The following ULK4 variants were observed in gnomAD, a reference collection of about 807,000 sequenced individuals.
The protein encoded by ULK4 is unc-51 like kinase 4, also known as inactive serine/threonine-protein kinase ULK4.
ULK4 carries 133 observed loss-of-function variants against 160.6 expected under a neutral mutation model. The observed-to-expected ratio is 0.83, with a 90% CI of 0.72 to 0.96. ULK4 has a LOEUF of 0.96. ULK4 is among the 40% of genes least tolerant of loss of function. ULK4 has a pLI of 0.00. For missense variants in ULK4, 1,580 were observed against 1,499.5 expected (o/e 1.05, Z -0.89); for synonymous variants, 534 against 539.8 (o/e 0.99, Z 0.15).
intron 22 of ULK4, among the ~76,000 whole-genome samples, chr3:41,749,952 G>A (rs1251321449): frequency 6.6e-6 from 1 of 152,114 alleles, no homozygotes; most frequent in Non-Finnish European, 1.5e-5. Context: ...ACAGATTCCT[G>A]AAGCTGAGCA....
rs190351033 is a variant in ULK4 at position 41,378,903 on chromosome 3, T to C, written c.3678+19176A>G. Among the ~76,000 whole-genome samples, 14 of 152,178 alleles carry C rather than the reference T, an allele frequency of 9.2e-5. No homozygotes were observed. The East Asian group carries it at 9.7e-4, about 11-fold the overall frequency. On this transcript the variant is annotated intron_variant, in intron 35 of 36. Transcript: ENST00000301831. ...AAAAAGAATGAGTTCAAGTCCTTTG[T>C]GGGGACATGGATGAAGCTGGAAACC...
Position 41,560,422 on chromosome 3 carries a change from G to A in ULK4, c.3226+5603C>T, listed in dbSNP as rs180688063. The stretch of plus-strand genomic sequence containing the variant: ...AAGAAAGACATTGGTAGTTTGATGC[G>A]GATGACATTGAATCTATAAATTACC... On this transcript the variant is annotated intron_variant, in intron 32 of 36. Coordinates refer to ENST00000301831, the MANE Select transcript of ULK4 (RefSeq NM_017886.4). Among the ~76,000 whole-genome samples, 17 of 152,224 alleles carry A rather than the reference G, an allele frequency of 1.1e-4. No individual in the cohort carries two copies. In the Middle Eastern group the frequency reaches 0.01, roughly 91 times the overall value.
In ULK4 at chr3:41,321,791, C is replaced by T. The variant is rs994516161; in HGVS notation, c.3679-72217G>A. ...GGGAAAAACGCCTCAAGTGAGCATG[C>T]GTACCACTTTAGTAAACACTCTGTG... On this transcript the variant is annotated intron_variant, in intron 35 of 36. Coordinates refer to ENST00000301831, the MANE Select transcript of ULK4 (RefSeq NM_017886.4). Among the ~76,000 whole-genome samples the T allele has an allele frequency of 4.2e-5, 6 of 144,116 alleles. 1 individual carries two copies. The highest frequency in any genetic ancestry group is 9.0e-5 in the Non-Finnish European group (6 of 66,470). The allele number at this position is 144,116 out of a possible 152,430, so 94.5% of individuals were successfully genotyped here. A position where few individuals can be genotyped will look rare whatever the true frequency, so the allele number is the denominator to read the frequency against.
At chr3:41,408,887 G>A (rs1177883648) in intron 34 of ULK4, among the ~76,000 whole-genome samples, 1 of 152,094 alleles carries the variant, frequency 6.6e-6, no homozygotes, top group South Asian at 2.1e-4. Context: ...ATGGTGCTGA[G>A]ACAACTGGAC....
chr3:41,686,115 C>T (rs2036093913), intron 27 of ULK4, among the ~76,000 whole-genome samples: 1 of 152,060 alleles, frequency 6.6e-6, no homozygotes, highest in Non-Finnish European at 1.5e-5. Context: ...GTGTAAACAG[C>T]TTGGAAATCA....
intron 35 of ULK4, among the ~76,000 whole-genome samples, chr3:41,370,198 T>TAA (rs916609409): frequency 2.0e-5 from 3 of 147,480 alleles, no homozygotes; most frequent in Admixed American, 6.8e-5. Context: ...ATGAAGGAAT[T>TAA]AAAAAAAAAA....
intron 22 of ULK4, among the ~76,000 whole-genome samples, chr3:41,742,801 C>T (rs1187515313): frequency 6.6e-6 from 1 of 151,774 alleles, no homozygotes; most frequent in Non-Finnish European, 1.5e-5. Flanking sequence ...CAATATAGAA[C>T]TGAAAAAATA....
chr3:41,389,653 T>C (rs948766385), intron 35 of ULK4, among the ~76,000 whole-genome samples: 5 of 152,358 alleles, frequency 3.3e-5, no homozygotes, highest in Non-Finnish European at 7.3e-5. Flanking sequence ...TCTTTGGTTC[T>C]GTTTATATGC....
chr3:41,889,304 T>C (rs1454302007), intron 16 of ULK4, among the ~76,000 whole-genome samples: 3 of 152,080 alleles, frequency 2.0e-5, no homozygotes, highest in Admixed American at 6.5e-5. Context: ...AAGTATATGA[T>C]ACACCAAATA....
At position 41,541,363 on chromosome 3, in the gene ULK4, G is replaced by A. The variant is rs192112980; in HGVS notation, c.3226+24662C>T. 5.6e-4 allele frequency among the ~76,000 whole-genome samples: 85 copies of A among 152,036 alleles called. 1 individual carries two copies. The highest frequency in any genetic ancestry group is 4.3e-4 in the African/African-American group (18 of 41,494). ...AGATGTGTGGTGTTATTTCTGAGGC[G>A]TCCGTTCTGTTCCATTGGTCTATAT... is the stretch of plus-strand genomic sequence containing the variant. On this transcript the variant is annotated intron_variant, in intron 32 of 36. Transcript: ENST00000301831.
intron 32 of ULK4, among the ~76,000 whole-genome samples, chr3:41,547,695 A>C (rs942433798): frequency 6.6e-6 from 1 of 152,204 alleles, no homozygotes. Context: ...ACCATACTGC[A>C]TTCTGCCCTG....
At chr3:41,439,080 G>A (rs1260680799) in intron 34 of ULK4, among the ~76,000 whole-genome samples, 1 of 152,132 alleles carries the variant, frequency 6.6e-6, no homozygotes, top group Non-Finnish European at 1.5e-5. Flanking sequence ...TGTGAAATGG[G>A]GGTTGGGGTT....
At chr3:41,901,119 C>T (rs1198681532) in intron 12 of ULK4, among the ~76,000 whole-genome samples, 2 of 149,010 alleles carry the variant, frequency 1.3e-5, no homozygotes, top group African/African-American at 4.9e-5. Flanking sequence ...CTTTACAATT[C>T]AATGTTCTAA....
chr3:41,498,743 C>T (rs2085083646), intron 32 of ULK4, among the ~76,000 whole-genome samples: 1 of 151,926 alleles, frequency 6.6e-6, no homozygotes. Flanking sequence ...CTACAGGTGC[C>T]CGCCATCATG....
chr3:41,618,454 C>T (rs868468055), intron 30 of ULK4, among the ~76,000 whole-genome samples: 12 of 152,118 alleles, frequency 7.9e-5, no homozygotes, highest in South Asian at 4.1e-4. Context: ...GCCACAAGAG[C>T]GTGGGGGCCA....
intron 30 of ULK4, among the ~76,000 whole-genome samples, chr3:41,622,457 A>C (rs1214074295): frequency 6.6e-6 from 1 of 152,088 alleles, no homozygotes; most frequent in Non-Finnish European, 1.5e-5. Context: ...CAGGGACATG[A>C]AGCTGGAAAC....
At chr3:41,561,750 C>G (rs1299852091) in intron 32 of ULK4, among the ~76,000 whole-genome samples, 1 of 152,106 alleles carries the variant, frequency 6.6e-6, no homozygotes, top group Non-Finnish European at 1.5e-5. Flanking sequence ...ATTCTTCTCT[C>G]TTTTCTTCTA....
intron 21 of ULK4, among the ~76,000 whole-genome samples, chr3:41,769,129 A>C (rs951359829): frequency 6.6e-6 from 1 of 152,228 alleles, no homozygotes; most frequent in African/African-American, 2.4e-5. Context: ...TATTTGTAAC[A>C]CAATAACTCT....
intron 32 of ULK4, among the ~76,000 whole-genome samples, chr3:41,475,247 C>T (rs955412925): frequency 2.0e-5 from 3 of 152,104 alleles, no homozygotes; most frequent in African/African-American, 7.2e-5. Context: ...CACGGGAAGA[C>T]AAATACCACA....
Sources: allele counts gnomAD v4.1 joint callset (sites outside exome capture counted in the v4.1 genomes callset), GRCh38; gene constraint gnomAD v4.1.1; transcripts MANE v1.5; gene names NCBI Gene and HGNC (gene_info 2026-07-23, HGNC 2026-07-21).